RFX5: variants seen among roughly 807,000 people sequenced by gnomAD.
The protein encoded by RFX5 is regulatory factor X5, also known as DNA-binding protein RFX5.
RFX5 carries 30 observed loss-of-function variants against 41.2 expected under a neutral mutation model. The observed-to-expected ratio is 0.73, with a 90% CI of 0.54 to 0.99. The LOEUF (loss-of-function observed/expected upper bound fraction) is 0.99. Ranked by LOEUF, RFX5 falls within the 50% of genes least tolerant of loss-of-function variation. The probability of loss-of-function intolerance (pLI) is 0.00; values close to 1 mark genes in which losing one functional copy is unlikely to be tolerated. For missense variants in RFX5, 715 were observed against 773.6 expected (o/e 0.92, Z 0.90); for synonymous variants, 231 against 291.8 (o/e 0.79, Z 2.12).
chr1:151,343,129 C>G lies in RFX5; in HGVS notation c.908G>C (p.Gly303Ala), dbSNP rs2102061652. The change falls in exon 11 of 11, where the codon GGA (glycine) becomes GCA (alanine). Residue 303 changes from glycine (G) to alanine (A), a missense_variant. Physicochemically the swap from Gly to Ala is moderately conservative, Grantham distance 60 (BLOSUM62 0). Coordinates refer to ENST00000452671, the MANE Select transcript of RFX5 (RefSeq NM_001025603.2). ...CTCAACTACACTCTTCTTCCGCTCT[C>G]CACGTGCGAGAGGACCGGCCCCAGT... Reference protein sequence around the residue: ...ARTGAGPLARGERKKSVVESS... With the variant: ...ARTGAGPLARAERKKSVVESS... The G allele has an allele frequency of 1.2e-6, 2 of 1,612,234 alleles. No homozygotes were observed. Among genetic ancestry groups the G allele is most frequent in the South Asian group, 2.2e-5 (2 of 91,022 alleles).
Position 151,342,452 on chromosome 1 carries a change from C to G in RFX5, c.1585G>C (p.Val529Leu). 2 of 1,614,206 alleles carry G rather than the reference C, an allele frequency of 1.2e-6. No homozygotes were observed. The highest frequency in any genetic ancestry group is 8.5e-7 in the Non-Finnish European group (1 of 1,180,042). Residue 529 changes from valine (V) to leucine (L), a missense_variant, in exon 11 of 11, where the codon GTA (valine) becomes CTA (leucine). Val to Leu is a conservative substitution (Grantham distance 32). Transcript: ENST00000452671. ...GPMGEAEKGA[V>L]LAQGQGDGTV... ...CCATCTCCCTGACCCTGGGCAAGTACTGCCCCCTTTTCAGCCTCTCCCATT... is the reference window on the plus strand; with the variant it reads ...CCATCTCCCTGACCCTGGGCAAGTAGTGCCCCCTTTTCAGCCTCTCCCATT...
In RFX5 at chr1:151,344,471, C is replaced by G. The variant is rs1303063809; in HGVS notation, c.419G>C (p.Arg140Thr). ...LSTANFGKII[R>T]EIFPDIKARR... ...AGCTTTGATGTCAGGGAAGATCTCT[C>G]TGATGATCTTGCCAAAGTTGGCTGT... The change falls in exon 7 of 11, where the codon AGA becomes ACA. Residue 140 changes from arginine to threonine, a missense_variant. By Grantham distance (71) the Arg-to-Thr change is moderately conservative. Coordinates refer to ENST00000452671, the MANE Select transcript of RFX5 (RefSeq NM_001025603.2). 1 of 1,614,204 alleles carries G rather than the reference C, an allele frequency of 6.2e-7. No homozygotes were observed. Among genetic ancestry groups the G allele is most frequent in the Non-Finnish European group, 8.5e-7 (1 of 1,180,038 alleles).
chr1:151,346,469 G>T lies in RFX5; in HGVS notation c.-14+20C>A. 1.5e-6 allele frequency: 1 copy of T among 668,806 alleles called. No homozygotes were observed. Among genetic ancestry groups the T allele is most frequent in the Non-Finnish European group, 2.6e-6 (1 of 391,924 alleles). 41.4% of individuals were successfully genotyped at this position (668,806 alleles called of 1,614,324 possible). A position where few individuals can be genotyped will look rare whatever the true frequency, so the allele number is the denominator to read the frequency against. On this transcript the variant is annotated intron_variant, in intron 2 of 10. Coordinates refer to ENST00000452671, the MANE Select transcript of RFX5 (RefSeq NM_001025603.2). ...ACAAAGCCTCCGAATTTCCCCGGTG[G>T]TCTTTTTCTCACCACTTGCCTTCTC...
rs543484330 is a variant in RFX5 at position 151,342,582 on chromosome 1, C to T, written c.1455G>A (p.Lys485=). ...GGGCAGATTCCATGGCAGCTGCTGA[C>T]TTGAGAGGGGTAGAATTCCTTTCCC... ...GSGERNSTPL[K]SAAAMESAQS... is the part of the protein sequence containing the mutation. Residue 485 remains lysine (K), a synonymous_variant, in exon 11 of 11, where the codon AAG becomes AAA. Coordinates refer to ENST00000452671, the MANE Select transcript of RFX5 (RefSeq NM_001025603.2). The T allele has an allele frequency of 8.1e-6, 13 of 1,614,180 alleles. No individual in the cohort carries two copies. The Admixed American group carries it at 1.7e-4, about 21-fold the overall frequency.
At chr1:151,345,561 G>A (rs566722500) in intron 4 of RFX5, 232 of 350,544 alleles carry the variant, frequency 6.6e-4, no homozygotes, top group African/African-American at 4.7e-3. Flanking sequence ...GCAGTGAGCC[G>A]AGATTGCGCC....
chr1:151,345,779 TG>T, intron 4 of RFX5, 148 bp downstream of exon 4: 2 of 1,062,582 alleles, frequency 1.9e-6, no homozygotes, highest in Non-Finnish European at 2.9e-6. Context: ...AAAGTCAAAC[TG>T]GCAGCAAGTT....
rs1047807819 is a variant in RFX5 at position 151,341,571 on chromosome 1, C to T, written c.*615G>A. 3 of 213,756 alleles carry T rather than the reference C, an allele frequency of 1.4e-5. No individual in the cohort carries two copies. Among genetic ancestry groups the T allele is most frequent in the African/African-American group, 4.7e-5 (2 of 42,234 alleles). 13.2% of individuals were successfully genotyped at this position (213,756 alleles called of 1,614,324 possible). ...GGTCAGGGTGGACATGTGACCCAGG[C>T]CTAATCAGTGTGAATATTAGGGCTT... On this transcript the variant is annotated 3_prime_UTR_variant, in exon 11 of 11. Transcript: ENST00000452671.
Position 151,341,251 on chromosome 1 carries a change from T to C in RFX5, c.*935A>G, listed in dbSNP as rs1650422683. 6.6e-6 allele frequency: 1 copy of C among 152,166 alleles called. No homozygotes were observed. Among genetic ancestry groups the C allele is most frequent in the Non-Finnish European group, 1.5e-5 (1 of 68,054 alleles). 9.4% of individuals were successfully genotyped at this position (152,166 alleles called of 1,614,324 possible). ...AGACTGAAGAGTCCCTAGAGGAGAA[T>C]GGCTTCCCTCTCCTTCCTTCTGAGA... On this transcript the variant is annotated 3_prime_UTR_variant, in exon 11 of 11. Coordinates refer to ENST00000452671, the MANE Select transcript of RFX5 (RefSeq NM_001025603.2).
rs921018217 is a variant in RFX5, at chr1:151,340,656, T to G, written c.*1530A>C. The G allele has an allele frequency of 2.0e-4, 30 of 152,672 alleles. No individual in the cohort carries two copies. The highest frequency in any genetic ancestry group is 7.2e-4 in the African/African-American group (30 of 41,562). 9.5% of individuals were successfully genotyped at this position (152,672 alleles called of 1,614,324 possible). On this transcript the variant is annotated 3_prime_UTR_variant, in exon 11 of 11. Coordinates refer to ENST00000452671, the MANE Select transcript of RFX5 (RefSeq NM_001025603.2). The stretch of plus-strand genomic sequence containing the variant: ...CAAACACAATGGTATTTAAAATGTT[T>G]TAATGTATATGTGTTATGGGTCATA...
chr1:151,346,173 G>A (rs780973235), intron 3 of RFX5, 32 bp downstream of exon 3: 2 of 1,601,534 alleles, frequency 1.2e-6, no homozygotes, highest in African/African-American at 1.3e-5. Context: ...CTCAGGTCTT[G>A]GACAGGACTT....
In RFX5 at chr1:151,345,097, C is replaced by G. The variant is rs1424384341; in HGVS notation, c.233+9G>C. ...AACCTCTGCCATCTAAAACTACTATCAAACCTACCTTTTGTCTCCAGTGGT... is the reference window on the plus strand; with the variant it reads ...AACCTCTGCCATCTAAAACTACTATGAAACCTACCTTTTGTCTCCAGTGGT... On this transcript the variant is annotated intron_variant, in intron 5 of 10. Coordinates refer to ENST00000452671, the MANE Select transcript of RFX5 (RefSeq NM_001025603.2). 1 of 1,613,138 alleles carries G rather than the reference C, an allele frequency of 6.2e-7. No individual in the cohort carries two copies. The highest frequency in any genetic ancestry group is 8.5e-7 in the Non-Finnish European group (1 of 1,179,112).
At position 151,346,328 on chromosome 1, in the gene RFX5, T is replaced by C. The variant is rs904142560; in HGVS notation, c.-8A>G. On this transcript the variant is annotated 5_prime_UTR_variant, in exon 3 of 11. It removes an upstream start codon present in the reference 5' UTR. Transcript: ENST00000452671. Reference sequence around the variant, plus strand: ...AGGCTCATCTTCTGCCATCCCGGCATGAGGGCTAGAATTGAGAGGGACAGG... The same window carrying C: ...AGGCTCATCTTCTGCCATCCCGGCACGAGGGCTAGAATTGAGAGGGACAGG... 4 of 1,613,074 alleles carry C rather than the reference T, an allele frequency of 2.5e-6. No homozygotes were observed. The highest frequency in any genetic ancestry group is 1.7e-4 in the Middle Eastern group (1 of 5,948).
intron 1 of RFX5, 60 bp from the exon 2 acceptor site, chr1:151,346,666 CCT>C (rs1651086135): frequency 3.2e-6 from 1 of 312,750 alleles, no homozygotes; most frequent in Non-Finnish European, 6.2e-6. Context: ...TTCATTTCTG[CCT>C]CTGACCCCAT....
rs1343416886 is a variant in RFX5, at chr1:151,344,406, G to C, written c.473+11C>G. 6.2e-7 allele frequency: 1 copy of C among 1,614,210 alleles called. No individual in the cohort carries two copies. The highest frequency in any genetic ancestry group is 8.5e-7 in the Non-Finnish European group (1 of 1,180,036). ...AGGTCCTCCACCCCCAACCTCTCTA[G>C]TCAAGGATACTTGGACTGGCCCCGG... On this transcript the variant is annotated intron_variant, in intron 7 of 10. Transcript: ENST00000452671.
chr1:151,343,597 G>A lies in RFX5; in HGVS notation c.757+84C>T, dbSNP rs1557832281. ...CTCCAGGAAGAGGGGGCAAATCCAA[G>A]GTGTCTCTATTCTAGTGTGTGGGAG... On this transcript the variant is annotated intron_variant, in intron 9 of 10. Transcript: ENST00000452671. The A allele has an allele frequency of 2.7e-6, 4 of 1,493,148 alleles. No homozygotes were observed. In the East Asian group the frequency reaches 9.6e-5, roughly 36 times the overall value. The allele number at this position is 1,493,148 out of a possible 1,614,324, so 92.5% of individuals were successfully genotyped here. A position where few individuals can be genotyped will look rare whatever the true frequency, so the allele number is the denominator to read the frequency against.
At chr1:151,344,895 C>G (rs1650870377) in intron 5 of RFX5, 48 bp from the exon 6 acceptor site, 1 of 1,613,992 alleles carries the variant, frequency 6.2e-7, no homozygotes, top group African/African-American at 1.3e-5. Context: ...AACAGTTGTC[C>G]TGGTTCTTCC....
At chr1:151,345,054 C>T (rs1005966702) in intron 5 of RFX5, 52 bp downstream of exon 5, 5 of 1,571,024 alleles carry the variant, frequency 3.2e-6, no homozygotes, top group South Asian at 2.2e-5. Context: ...TCCCAGTGAA[C>T]CTTTCTCTAA....
Position 151,340,944 on chromosome 1 carries a change from T to A in RFX5, c.*1242A>T, listed in dbSNP as rs1349842775. On this transcript the variant is annotated 3_prime_UTR_variant, in exon 11 of 11. Coordinates refer to ENST00000452671, the MANE Select transcript of RFX5 (RefSeq NM_001025603.2). The stretch of plus-strand genomic sequence containing the variant: ...AAGGATACATCTGGAGGGTCTGCAT[T>A]CCTTTCTCATTGGTGCCGCCTGACC... 6.6e-6 allele frequency: 1 copy of A among 152,662 alleles called. No homozygotes were observed. Among genetic ancestry groups the A allele is most frequent in the African/African-American group, 2.4e-5 (1 of 41,466 alleles). 9.5% of individuals were successfully genotyped at this position (152,662 alleles called of 1,614,324 possible). A position where few individuals can be genotyped will look rare whatever the true frequency, so the allele number is the denominator to read the frequency against.
Position 151,344,467 on chromosome 1 carries a change from C to T in RFX5, c.423G>A (p.Glu141=). The change falls in exon 7 of 11, where the codon GAG becomes GAA. Residue 141 remains glutamate, a synonymous_variant. Transcript: ENST00000452671. ...STANFGKIIR[E]IFPDIKARRL... ...TTCGAGCTTTGATGTCAGGGAAGAT[C>T]TCTCTGATGATCTTGCCAAAGTTGG... 2 of 1,614,244 alleles carry T rather than the reference C, an allele frequency of 1.2e-6. No homozygotes were observed. Among genetic ancestry groups the T allele is most frequent in the Non-Finnish European group, 1.7e-6 (2 of 1,180,038 alleles).
Sources: gnomAD v4.1 joint callset for allele counts on GRCh38, gnomAD v4.1.1 for gene constraint, MANE v1.5 for transcripts, NCBI Gene and HGNC (gene_info 2026-07-23, HGNC 2026-07-21) for gene names.